PIK3C2G: variants seen among roughly 807,000 people sequenced by gnomAD.
PIK3C2G encodes the protein phosphatidylinositol 3-kinase C2 domain-containing subunit gamma.
Under a neutral mutation model 181.1 loss-of-function variants are expected in PIK3C2G, and 168 were observed. The observed-to-expected ratio is 0.93, with a 90% confidence interval of 0.82 to 1.05. The LOEUF is 1.05. Ranked by LOEUF, PIK3C2G falls within the 50% of genes least tolerant of loss-of-function variation. The pLI, the probability that PIK3C2G is intolerant of heterozygous loss-of-function variation, is 0.00. For missense variants in PIK3C2G, 1,869 were observed against 1,732.8 expected (o/e 1.08, Z -1.40); for synonymous variants, 573 against 592.2 (o/e 0.97, Z 0.47).
intron 26 of PIK3C2G, among the ~76,000 whole-genome samples, chr12:18,550,277 T>C (rs1944655820): frequency 6.6e-6 from 1 of 152,110 alleles, no homozygotes. Flanking sequence ...ACAAATTATG[T>C]ATTATGTTGT....
chr12:18,544,297 T>C (rs569960149), intron 25 of PIK3C2G, among the ~76,000 whole-genome samples: 2 of 151,848 alleles, frequency 1.3e-5, no homozygotes, highest in Non-Finnish European at 2.9e-5. Context: ...AAGACATTTG[T>C]GACCAGAATG....
At chr12:18,405,572 G>GAAA (rs138351357) in intron 16 of PIK3C2G, among the ~76,000 whole-genome samples, 1 of 151,336 alleles carries the variant, frequency 6.6e-6, no homozygotes, top group Non-Finnish European at 1.5e-5. Flanking sequence ...AAAATAAACT[G>GAAA]AAAAAAAAGT....
At chr12:18,626,510 A>T (rs538226543) in intron 31 of PIK3C2G, among the ~76,000 whole-genome samples, 6 of 152,140 alleles carry the variant, frequency 3.9e-5, no homozygotes, top group Admixed American at 3.3e-4. Flanking sequence ...ATTAGATTTC[A>T]TGATTTCATA....
intron 18 of PIK3C2G, among the ~76,000 whole-genome samples, chr12:18,426,783 A>G (rs1301672780): frequency 6.6e-6 from 1 of 152,224 alleles, no homozygotes; most frequent in Non-Finnish European, 1.5e-5. Flanking sequence ...GTAGCAAAGA[A>G]GATACACAGG....
At chr12:18,557,420 C>T (rs1945069732) in intron 26 of PIK3C2G, among the ~76,000 whole-genome samples, 1 of 151,728 alleles carries the variant, frequency 6.6e-6, no homozygotes. Context: ...ATATGATCAC[C>T]TAAATAGATA....
the PIK3C2G span, among the ~76,000 whole-genome samples, chr12:18,722,479 C>G: frequency 1.3e-5 from 2 of 151,998 alleles, no homozygotes; most frequent in Admixed American, 1.3e-4. Flanking sequence ...GTAGCCTAAA[C>G]CAACTTAAAG....
chr12:18,338,702 T>C (rs1938813089), intron 9 of PIK3C2G, among the ~76,000 whole-genome samples, 154 bp downstream of exon 9: 1 of 145,008 alleles, frequency 6.9e-6, no homozygotes, highest in East Asian at 2.0e-4. Context: ...TGTGTGTGTG[T>C]GTGTGTGCAT....
intron 31 of PIK3C2G, among the ~76,000 whole-genome samples, chr12:18,623,411 G>T (rs372409698): frequency 6.6e-6 from 1 of 151,732 alleles, no homozygotes; most frequent in East Asian, 1.9e-4. Context: ...TTATTTGTAC[G>T]CCAGTACTAG....
chr12:18,394,113 G>A (rs956226037), intron 15 of PIK3C2G, among the ~76,000 whole-genome samples: 2 of 152,036 alleles, frequency 1.3e-5, no homozygotes, highest in African/African-American at 4.8e-5. Flanking sequence ...TAGAAATTCT[G>A]ACCAATAAGA....
chr12:18,596,268 G>A lies in PIK3C2G; in HGVS notation c.4087+1699G>A, dbSNP rs77270860. 6.5e-3 allele frequency among the ~76,000 whole-genome samples: 985 copies of A among 151,946 alleles called. 2 individuals carry two copies. Among genetic ancestry groups the A allele is most frequent in the Middle Eastern group, 0.01 (3 of 292 alleles). On this transcript the variant is annotated intron_variant, in intron 30 of 32. Transcript: ENST00000538779. ...TAAATGTTCTGGCACAAGAAATTCA[G>A]GGTCTCCGAACTGCTAAAATTATCT...
intron 26 of PIK3C2G, among the ~76,000 whole-genome samples, chr12:18,557,065 GAA>G (rs1001450961): frequency 1.3e-5 from 2 of 152,038 alleles, no homozygotes; most frequent in Non-Finnish European, 2.9e-5. Context: ...TGCCAACCCA[GAA>G]AAGTCATACT....
At chr12:18,624,506 G>A (rs1212818268) in intron 31 of PIK3C2G, among the ~76,000 whole-genome samples, 1 of 151,450 alleles carries the variant, frequency 6.6e-6, no homozygotes, top group Non-Finnish European at 1.5e-5. Context: ...TTCTTTTCTT[G>A]TGATTTTCTT....
the PIK3C2G span, among the ~76,000 whole-genome samples, chr12:18,665,322 G>A: frequency 2.6e-5 from 4 of 151,912 alleles, no homozygotes; most frequent in African/African-American, 9.7e-5. Context: ...GGTAGTTGTA[G>A]AATGAGAATG....
chr12:18,686,209 C>T, the PIK3C2G span, among the ~76,000 whole-genome samples: 1 of 151,934 alleles, frequency 6.6e-6, no homozygotes, highest in African/African-American at 2.4e-5. Flanking sequence ...TATCCTGACT[C>T]TACTTTGTAT....
intron 30 of PIK3C2G, among the ~76,000 whole-genome samples, chr12:18,599,246 C>T (rs1947560432): frequency 6.6e-6 from 1 of 152,170 alleles, no homozygotes; most frequent in Admixed American, 6.5e-5. Context: ...TTGGAACCAA[C>T]CCAAATGTCC....
intron 22 of PIK3C2G, among the ~76,000 whole-genome samples, chr12:18,500,454 G>T (rs542606491): frequency 6.6e-6 from 1 of 152,158 alleles, no homozygotes. Context: ...CTGTGCAGCC[G>T]AGCCTCCCCT....
intron 13 of PIK3C2G, among the ~76,000 whole-genome samples, chr12:18,374,692 C>T (rs1373897142): frequency 6.6e-6 from 1 of 152,176 alleles, no homozygotes; most frequent in Non-Finnish European, 1.5e-5. Context: ...CTGTAAATCT[C>T]ATATTGAATT....
chr12:18,519,412 G>T (rs1942767903), intron 24 of PIK3C2G, among the ~76,000 whole-genome samples: 1 of 152,186 alleles, frequency 6.6e-6, no homozygotes, highest in Non-Finnish European at 1.5e-5. Flanking sequence ...CCTGTACTGG[G>T]TGCATATATA....
At chr12:18,376,842 C>T (rs1942477258) in intron 13 of PIK3C2G, among the ~76,000 whole-genome samples, 1 of 152,172 alleles carries the variant, frequency 6.6e-6, no homozygotes, top group Non-Finnish European at 1.5e-5. Context: ...ATGTGAGACA[C>T]CTGCTCACCC....
Sources: gnomAD v4.1 joint callset for allele counts (sites outside exome capture counted in the v4.1 genomes callset) on GRCh38, gnomAD v4.1.1 for gene constraint, MANE v1.5 for transcripts, NCBI Gene and HGNC (gene_info 2026-07-23, HGNC 2026-07-21) for gene names.